FBXO16: variants seen among roughly 807,000 people sequenced by gnomAD.
FBXO16 encodes F-box only protein 16.
Under a neutral mutation model 41.0 loss-of-function variants are expected in FBXO16, and 31 were observed. The ratio of observed to expected loss-of-function variants is 0.76; its 90% CI spans 0.57 to 1.02. The LOEUF (loss-of-function observed/expected upper bound fraction) is 1.02, where lower values mean the gene tolerates loss of function less well. FBXO16 is among the 50% of genes least tolerant of loss of function. FBXO16 has a pLI of 0.00. For missense variants in FBXO16, 361 were observed against 346.2 expected, an observed-to-expected ratio of 1.04 and a Z score of -0.34; for synonymous variants, 133 against 117.8, an observed-to-expected ratio of 1.13 and a Z score of -0.84.
chr8:28,440,818 C>A (rs1295839005), intron 7 of FBXO16, among the ~76,000 whole-genome samples: 2 of 152,090 alleles, frequency 1.3e-5, no homozygotes, highest in Non-Finnish European at 2.9e-5. Flanking sequence ...CATGGCTGAA[C>A]CAGGACCTAG....
intron 2 of FBXO16, among the ~76,000 whole-genome samples, chr8:28,481,108 A>G (rs905465489): frequency 2.6e-5 from 4 of 152,236 alleles, no homozygotes; most frequent in South Asian, 2.1e-4. Context: ...GCAGGGGTGG[A>G]GCCGGGAAGT....
intron 2 of FBXO16, among the ~76,000 whole-genome samples, chr8:28,480,506 T>C (rs1252550774): frequency 1.3e-5 from 2 of 151,914 alleles, no homozygotes; most frequent in African/African-American, 2.4e-5. Flanking sequence ...TTCTTTCTTT[T>C]TTTTTTCTTT....
chr8:28,448,340 C>CAAAAAA (rs56323338), intron 6 of FBXO16, among the ~76,000 whole-genome samples: 377 of 47,866 alleles, frequency 7.9e-3, no homozygotes, highest in Middle Eastern at 0.014. Context: ...GACCCTAAAT[C>CAAAAAA]AAAAAAAAAA....
At chr8:28,432,713 A>G (rs907293362) in intron 7 of FBXO16, among the ~76,000 whole-genome samples, 2 of 152,098 alleles carry the variant, frequency 1.3e-5, no homozygotes, top group African/African-American at 4.8e-5. Flanking sequence ...GACGTTGCCA[A>G]TGGCCATGCC....
At chr8:28,448,026 C>T (rs945369210) in intron 6 of FBXO16, among the ~76,000 whole-genome samples, 2 of 151,846 alleles carry the variant, frequency 1.3e-5, no homozygotes, top group African/African-American at 4.8e-5. Context: ...AAGTAGGATT[C>T]CCATGTGAAC....
At chr8:28,485,268 G>A (rs977437507) in intron 1 of FBXO16, among the ~76,000 whole-genome samples, 4 of 152,150 alleles carry the variant, frequency 2.6e-5, no homozygotes, top group African/African-American at 4.8e-5. Flanking sequence ...CACCTCCCAG[G>A]TTCAAGCGCT....
chr8:28,440,424 C>CA (rs1269372057), intron 7 of FBXO16, among the ~76,000 whole-genome samples: 1 of 152,266 alleles, frequency 6.6e-6, no homozygotes, highest in East Asian at 1.9e-4. Context: ...AATGAGGAAA[C>CA]AAAGACTCTG....
At position 28,447,725 on chromosome 8, in the gene FBXO16, G is replaced by A. The variant is rs561912927; in HGVS notation, c.741-452C>T. Among the ~76,000 whole-genome samples, 5 of 152,166 alleles carry A rather than the reference G, an allele frequency of 3.3e-5. 1 individual carries two copies. The South Asian group carries it at 6.2e-4, about 19-fold the overall frequency. On this transcript the variant is annotated intron_variant, in intron 6 of 8. Transcript: ENST00000380254. Reference sequence around the variant, plus strand: ...TCCCAGCACTTTGGGAGGCCAAGGCGGGTGGATCACCTGAGGTCAGGGGTT... The same window carrying A: ...TCCCAGCACTTTGGGAGGCCAAGGCAGGTGGATCACCTGAGGTCAGGGGTT...
At chr8:28,446,537 G>A (rs1802867077) in intron 7 of FBXO16, among the ~76,000 whole-genome samples, 1 of 151,404 alleles carries the variant, frequency 6.6e-6, no homozygotes, top group African/African-American at 2.4e-5. Flanking sequence ...ACCTCCCCCT[G>A]CCCCAAAGGA....
chr8:28,483,034 T>C (rs1440827454), intron 2 of FBXO16, among the ~76,000 whole-genome samples: 1 of 152,172 alleles, frequency 6.6e-6, no homozygotes, highest in Non-Finnish European at 1.5e-5. Context: ...ACTCTCTCCT[T>C]TCTCAGTCCT....
chr8:28,446,357 G>A (rs999751445), intron 7 of FBXO16, among the ~76,000 whole-genome samples: 1 of 151,018 alleles, frequency 6.6e-6, no homozygotes, highest in African/African-American at 2.4e-5. Context: ...ATTGTTAGTG[G>A]AGACAGGGTT....
At chr8:28,433,246 C>T (rs764344798) in intron 7 of FBXO16, among the ~76,000 whole-genome samples, 5 of 152,056 alleles carry the variant, frequency 3.3e-5, no homozygotes, top group Non-Finnish European at 5.9e-5. Context: ...CCTGATGTGC[C>T]GTTATAGTGT....
At chr8:28,429,964 C>G (rs1235119941) in intron 7 of FBXO16, among the ~76,000 whole-genome samples, 1 of 152,226 alleles carries the variant, frequency 6.6e-6, no homozygotes, top group Non-Finnish European at 1.5e-5. Context: ...TTATTGACTT[C>G]TCTGGCTTTG....
intron 6 of FBXO16, chr8:28,449,052 A>C (rs1487560471): frequency 6.6e-6 from 1 of 152,196 alleles, no homozygotes; most frequent in Non-Finnish European, 1.5e-5. Flanking sequence ...ACGGAAGTAC[A>C]TATCCCTGTT....
intron 1 of FBXO16, among the ~76,000 whole-genome samples, chr8:28,484,709 A>T (rs911254254): frequency 1.3e-5 from 2 of 152,150 alleles, no homozygotes; most frequent in African/African-American, 4.8e-5. Flanking sequence ...CTCCTGCCTC[A>T]GCCTCCCGGG....
At chr8:28,481,689 A>T (rs185057040) in intron 2 of FBXO16, among the ~76,000 whole-genome samples, 1 of 152,106 alleles carries the variant, frequency 6.6e-6, no homozygotes, top group East Asian at 1.9e-4. Flanking sequence ...GTGCGCCTGT[A>T]GTCCCAGCTA....
At position 28,483,413 on chromosome 8, in the gene FBXO16, C is replaced by A; in HGVS notation, c.34G>T (p.Gly12Cys). 6.2e-7 allele frequency: 1 copy of A among 1,613,968 alleles called. No homozygotes were observed. The highest frequency in any genetic ancestry group is 8.5e-7 in the Non-Finnish European group (1 of 1,179,984). ...CTCATCTTTGTCTGCATTTTGGGAC[C>A]ATCTGTGTTTTTTGGAGGTGCAAAT... ...MAFAPPKNTD[G>C]PKMQTKMSTW... Residue 12 changes from glycine (G) to cysteine (C), a missense_variant, in exon 2 of 9, where the codon GGT (glycine) becomes TGT (cysteine). Gly to Cys is a radical substitution (Grantham distance 159). Coordinates refer to ENST00000380254, the MANE Select transcript of FBXO16 (RefSeq NM_172366.4).
chr8:28,441,910 ATGTGTGTGTGTGTG>A (rs1175392833), intron 7 of FBXO16, among the ~76,000 whole-genome samples: 3 of 107,896 alleles, frequency 2.8e-5, no homozygotes, highest in African/African-American at 4.6e-5. Context: ...GTATATATAT[ATGTGTGTGTGTGTG>A]TGTGTGTGTG....
Position 28,452,447 on chromosome 8 carries a change from A to G in FBXO16, c.537T>C (p.Ala179=). 6.2e-7 allele frequency: 1 copy of G among 1,614,140 alleles called. No homozygotes were observed. The highest frequency in any genetic ancestry group is 8.5e-7 in the Non-Finnish European group (1 of 1,180,038). The change falls in exon 6 of 9, where the codon GCT becomes GCC. Residue 179 remains alanine (A), a synonymous_variant. Transcript: ENST00000380254. Reference sequence around the variant, plus strand: ...AATTGCTTGTAACTAGTTGAACGTCAGCGATTACAAATCCATCCTTTGGGG... The same window carrying G: ...AATTGCTTGTAACTAGTTGAACGTCGGCGATTACAAATCCATCCTTTGGGG... ...KTPPKDGFVI[A]DVQLVTSNSP... is the part of the protein sequence containing the mutation.
Sources: allele counts gnomAD v4.1 joint callset (sites outside exome capture counted in the v4.1 genomes callset), GRCh38; gene constraint gnomAD v4.1.1; transcripts MANE v1.5; gene names NCBI Gene and HGNC (gene_info 2026-07-23, HGNC 2026-07-21).